MAPK4: variants seen among roughly 807,000 people sequenced by gnomAD.
MAPK4 encodes the protein Erk3-related.
Under a neutral mutation model 47.7 loss-of-function variants are expected in MAPK4, and 22 were observed. The ratio of observed to expected loss-of-function variants is 0.46; its 90% CI spans 0.33 to 0.66. The LOEUF is 0.66. MAPK4 is among the 30% of genes least tolerant of loss of function. The pLI is 0.02. For missense variants in MAPK4, 736 were observed against 831.7 expected (o/e 0.88, Z 1.42); for synonymous variants, 390 against 365.7 (o/e 1.07, Z -0.76).
At position 50,729,444 on chromosome 18, in the gene MAPK4, T is replaced by C; in HGVS notation, c.1354T>C (p.Ser452Pro). 1 of 1,534,178 alleles carries C rather than the reference T, an allele frequency of 6.5e-7. No homozygotes were observed. Among genetic ancestry groups the C allele is most frequent in the Non-Finnish European group, 8.8e-7 (1 of 1,136,650 alleles). Residue 452 changes from serine (S) to proline (P), a missense_variant, in exon 6 of 6, where the codon TCG becomes CCG. Transcript: ENST00000400384. ...GCGCGACAACAAGCCGCACCACTAC[T>C]CGGAGCCCAAGCTCATCCTGGACCT... ...LWRDNKPHHY[S>P]EPKLILDLSH...
At chr18:50,723,473 G>A (rs750085571) in intron 4 of MAPK4, among the ~76,000 whole-genome samples, 15 of 152,334 alleles carry the variant, frequency 9.8e-5, no homozygotes, top group Non-Finnish European at 2.1e-4. Context: ...AGGGGAAATC[G>A]TGGGACAGAG....
At chr18:50,579,520 GT>G (rs969670597) in intron 1 of MAPK4, among the ~76,000 whole-genome samples, 1 of 152,166 alleles carries the variant, frequency 6.6e-6, no homozygotes, top group Non-Finnish European at 1.5e-5. Context: ...GTCTAGATGA[GT>G]TTGGGGAGGA....
intron 2 of MAPK4, among the ~76,000 whole-genome samples, chr18:50,674,608 C>T (rs955603010): frequency 2.6e-5 from 4 of 152,124 alleles, no homozygotes; most frequent in Non-Finnish European, 5.9e-5. Context: ...CCCTCTGTTC[C>T]CACATAAACT....
At chr18:50,725,922 G>A in intron 4 of MAPK4, 40 bp from the exon 5 acceptor site, 1 of 1,528,812 alleles carries the variant, frequency 6.5e-7, no homozygotes, top group Non-Finnish European at 9.1e-7. Flanking sequence ...GCTCAACAAG[G>A]GCAACAAATG....
chr18:50,562,939 C>T (rs1020534235), intron 1 of MAPK4, among the ~76,000 whole-genome samples: 2 of 152,276 alleles, frequency 1.3e-5, no homozygotes, highest in South Asian at 2.1e-4. Context: ...GAACTCTCTA[C>T]GTGCCTTGTA....
intron 5 of MAPK4, among the ~76,000 whole-genome samples, chr18:50,728,724 G>A (rs1365464469): frequency 6.6e-6 from 1 of 152,244 alleles, no homozygotes; most frequent in Non-Finnish European, 1.5e-5. Context: ...TAGAATCTCA[G>A]GCCCCATCTC....
At chr18:50,607,164 A>C (rs1268604700) in intron 1 of MAPK4, among the ~76,000 whole-genome samples, 1 of 152,036 alleles carries the variant, frequency 6.6e-6, no homozygotes, top group Non-Finnish European at 1.5e-5. Context: ...AACACTTACT[A>C]TGTGCCAAAT....
In MAPK4 at chr18:50,563,069, A is replaced by T. The variant is rs964520846; in HGVS notation, c.-871+2826A>T. On this transcript the variant is annotated intron_variant, in intron 1 of 5. Transcript: ENST00000400384. ...GAGACCTCTCTTTTAAATTCTTTAT[A>T]AAAAACTATATTACAGGATTTTTGT... 3.3e-5 allele frequency among the ~76,000 whole-genome samples: 5 copies of T among 152,182 alleles called. No individual in the cohort carries two copies. The South Asian group carries it at 1.0e-3, about 32-fold the overall frequency.
chr18:50,708,060 A>T (rs2144408295), intron 2 of MAPK4, among the ~76,000 whole-genome samples: 1 of 152,326 alleles, frequency 6.6e-6, no homozygotes, highest in African/African-American at 2.4e-5. Context: ...AGTGATTGCG[A>T]TGTGAGCCAG....
rs1052884772 is a variant in MAPK4 at position 50,714,954 on chromosome 18, A to G, written c.547-125A>G. ...CTCATGCTCCTTCAAGATCAATGGGAAAGGGGCAAGAATGAAAGGGACCCT... is the reference window on the plus strand; with the variant it reads ...CTCATGCTCCTTCAAGATCAATGGGGAAGGGGCAAGAATGAAAGGGACCCT... On this transcript the variant is annotated intron_variant, in intron 2 of 5. Coordinates refer to ENST00000400384, the MANE Select transcript of MAPK4 (RefSeq NM_002747.4). The G allele has an allele frequency of 4.3e-6, 4 of 935,014 alleles. No individual in the cohort carries two copies. In the African/African-American group the frequency reaches 6.6e-5, roughly 15 times the overall value. The allele number at this position is 935,014 out of a possible 1,614,324, so 57.9% of individuals were successfully genotyped here. A position where few individuals can be genotyped will look rare whatever the true frequency, so the allele number is the denominator to read the frequency against.
chr18:50,595,896 TTC>T (rs2042477754), intron 1 of MAPK4, among the ~76,000 whole-genome samples: 1 of 152,314 alleles, frequency 6.6e-6, no homozygotes, highest in Non-Finnish European at 1.5e-5. Flanking sequence ...ACTGCCAAGT[TTC>T]TCTTCTTTTT....
At position 50,604,899 on chromosome 18, in the gene MAPK4, C is replaced by T. The variant is rs548840299; in HGVS notation, c.-871+44656C>T. Among the ~76,000 whole-genome samples the T allele has an allele frequency of 7.2e-5, 11 of 152,342 alleles. No homozygotes were observed. The South Asian group carries it at 2.3e-3, about 32-fold the overall frequency. On this transcript the variant is annotated intron_variant, in intron 1 of 5. Coordinates refer to ENST00000400384, the MANE Select transcript of MAPK4 (RefSeq NM_002747.4). ...CTTGTGCAGAGACACATAAATTCATCAACAGCTAAGGGATTTGAGGCTCTG... is the reference window on the plus strand; with the variant it reads ...CTTGTGCAGAGACACATAAATTCATTAACAGCTAAGGGATTTGAGGCTCTG...
intron 1 of MAPK4, among the ~76,000 whole-genome samples, chr18:50,588,957 T>A (rs529761501): frequency 1.5e-4 from 23 of 152,340 alleles, no homozygotes; most frequent in African/African-American, 5.5e-4. Flanking sequence ...ATAACATTCG[T>A]GTGTCCACTT....
chr18:50,590,570 A>G (rs563507355), intron 1 of MAPK4, among the ~76,000 whole-genome samples: 63 of 152,378 alleles, frequency 4.1e-4, no homozygotes, highest in Admixed American at 9.8e-4. Context: ...CTCAATAGCA[A>G]TTAATGAGCT....
intron 2 of MAPK4, among the ~76,000 whole-genome samples, chr18:50,713,713 G>A (rs1910491997): frequency 6.6e-6 from 1 of 152,248 alleles, no homozygotes; most frequent in Non-Finnish European, 1.5e-5. Flanking sequence ...TCAGCCGGTA[G>A]CACCATGAGT....
chr18:50,720,644 G>A (rs1910887716), intron 3 of MAPK4, among the ~76,000 whole-genome samples: 1 of 152,138 alleles, frequency 6.6e-6, no homozygotes, highest in South Asian at 2.1e-4. Context: ...CACAGGAGAG[G>A]GGTCAGGGGC....
At chr18:50,701,367 A>T (rs915627461) in intron 2 of MAPK4, among the ~76,000 whole-genome samples, 3 of 152,156 alleles carry the variant, frequency 2.0e-5, no homozygotes, top group Non-Finnish European at 4.4e-5. Flanking sequence ...TCACAAAGCA[A>T]GTTATTTTGA....
At chr18:50,684,126 T>C (rs572980844) in intron 2 of MAPK4, among the ~76,000 whole-genome samples, 2 of 152,330 alleles carry the variant, frequency 1.3e-5, no homozygotes, top group East Asian at 3.9e-4. Flanking sequence ...GAGAGGGGGC[T>C]GCCCTGTTGC....
At chr18:50,611,546 G>A (rs1052182502) in intron 1 of MAPK4, among the ~76,000 whole-genome samples, 13 of 152,206 alleles carry the variant, frequency 8.5e-5, no homozygotes, top group African/African-American at 2.2e-4. Context: ...GTGTCGCTGA[G>A]CTCCTTATCT....
Sources: gnomAD v4.1 joint callset for allele counts (sites outside exome capture counted in the v4.1 genomes callset) on GRCh38, gnomAD v4.1.1 for gene constraint, MANE v1.5 for transcripts, NCBI Gene and HGNC (gene_info 2026-07-23, HGNC 2026-07-21) for gene names.